The following ZNF277 variants were observed in gnomAD, a reference collection of about 807,000 sequenced individuals.
ZNF277 encodes nuclear receptor-interacting factor 4.
In ZNF277, 55 loss-of-function variants were observed where a neutral mutation model predicts 60.7. The ratio of observed to expected loss-of-function variants is 0.91; its 90% CI spans 0.73 to 1.13. The LOEUF is 1.13. ZNF277 is among the 50% of genes most tolerant of loss of function. ZNF277 has a pLI of 0.00. For synonymous variants in ZNF277, 178 were observed against 179.3 expected (o/e 0.99, Z 0.06); for missense variants, 510 against 523.0 (o/e 0.98, Z 0.24).
At chr7:112,341,868 C>T (rs183495869) in intron 11 of ZNF277, among the ~76,000 whole-genome samples, 72 of 152,212 alleles carry the variant, frequency 4.7e-4, no homozygotes, top group African/African-American at 1.7e-3. Flanking sequence ...TCAGAAAATC[C>T]CACACTTGTG....
intron 1 of ZNF277, among the ~76,000 whole-genome samples, chr7:112,237,061 A>G (rs1409641328): frequency 1.3e-5 from 2 of 152,158 alleles, no homozygotes; most frequent in African/African-American, 4.8e-5. Context: ...ATAAAACCAG[A>G]AATCAATTCC....
At chr7:112,255,228 T>TA (rs781590332) in intron 1 of ZNF277, among the ~76,000 whole-genome samples, 3 of 152,084 alleles carry the variant, frequency 2.0e-5, no homozygotes, top group Non-Finnish European at 4.4e-5. Flanking sequence ...AAGCATACAG[T>TA]AAAAAAAGTG....
At chr7:112,279,025 A>G (rs1400118708) in intron 1 of ZNF277, among the ~76,000 whole-genome samples, 3 of 152,180 alleles carry the variant, frequency 2.0e-5, no homozygotes, top group Admixed American at 1.3e-4. Flanking sequence ...TATTTCTCTT[A>G]TAATATCTTC....
At chr7:112,321,505 A>T (rs576183804) in intron 5 of ZNF277, among the ~76,000 whole-genome samples, 1 of 152,252 alleles carries the variant, frequency 6.6e-6, no homozygotes, top group South Asian at 2.1e-4. Context: ...AAAGGGTCAT[A>T]AAAATGCGAT....
intron 1 of ZNF277, among the ~76,000 whole-genome samples, chr7:112,207,552 C>T (rs955007790): frequency 2.0e-5 from 3 of 152,110 alleles, no homozygotes; most frequent in African/African-American, 7.2e-5. Context: ...TTCAGGTTGT[C>T]CTCTGATCCA....
intron 1 of ZNF277, among the ~76,000 whole-genome samples, chr7:112,214,687 A>G (rs1452606334): frequency 9.8e-5 from 15 of 152,342 alleles, no homozygotes; most frequent in Admixed American, 5.2e-4. Flanking sequence ...CCTTTGCTTC[A>G]TGGGGTGAAG....
At chr7:112,338,866 T>A (rs969754583) in intron 9 of ZNF277, among the ~76,000 whole-genome samples, 1 of 152,220 alleles carries the variant, frequency 6.6e-6, no homozygotes, top group African/African-American at 2.4e-5. Context: ...CTTTCAGTGA[T>A]AACATCACGA....
chr7:112,333,702 A>G (rs1793274027), intron 7 of ZNF277, among the ~76,000 whole-genome samples: 2 of 152,232 alleles, frequency 1.3e-5, no homozygotes, highest in Non-Finnish European at 2.9e-5. Context: ...CTTAGGTGAG[A>G]TAATTTCTGT....
At chr7:112,218,173 A>G (rs1821936281) in intron 1 of ZNF277, among the ~76,000 whole-genome samples, 1 of 152,176 alleles carries the variant, frequency 6.6e-6, no homozygotes, top group Non-Finnish European at 1.5e-5. Context: ...CAGTGGGCAA[A>G]ATGAACCTAT....
chr7:112,326,373 C>T (rs971165525), intron 5 of ZNF277, among the ~76,000 whole-genome samples: 5 of 151,924 alleles, frequency 3.3e-5, no homozygotes, highest in Middle Eastern at 6.8e-3. Flanking sequence ...CCTTCCCCCA[C>T]CCCAAAACAC....
At chr7:112,307,483 C>T (rs935298852) in intron 4 of ZNF277, among the ~76,000 whole-genome samples, 4 of 150,870 alleles carry the variant, frequency 2.7e-5, no homozygotes, top group Admixed American at 1.3e-4. Flanking sequence ...GGTGTGATCT[C>T]GGCTCACTGC....
rs369798130 is a variant in ZNF277 at position 112,275,977 on chromosome 7, A to T, written c.92-10896A>T. ...TCTTAGAATCTGCAGTGCTTTGCTG[A>T]CATAAGAGGGAAAGGAGCTTCATCA... On this transcript the variant is annotated intron_variant, in intron 1 of 11. Coordinates refer to ENST00000361822, the MANE Select transcript of ZNF277 (RefSeq NM_021994.3). Among the ~76,000 whole-genome samples the T allele has an allele frequency of 1.4e-4, 22 of 152,308 alleles. No homozygotes were observed. The South Asian group carries it at 1.5e-3, about 10-fold the overall frequency.
At chr7:112,232,720 A>G (rs75609306) in intron 1 of ZNF277, among the ~76,000 whole-genome samples, 3,302 of 152,242 alleles carry the variant, frequency 0.022, 119 homozygotes, top group African/African-American at 0.075. Context: ...AGTCAAAAAT[A>G]TGGTGGTGCA....
chr7:112,296,354 A>C, intron 4 of ZNF277, 43 bp downstream of exon 4: 1 of 947,004 alleles, frequency 1.1e-6, no homozygotes, highest in Non-Finnish European at 1.6e-6. Context: ...TTGAAAATAC[A>C]TATAAATACA....
chr7:112,222,297 G>A (rs1039516068), intron 1 of ZNF277, among the ~76,000 whole-genome samples: 19 of 152,134 alleles, frequency 1.2e-4, no homozygotes, highest in Non-Finnish European at 2.2e-4. Context: ...AGAATTCAGC[G>A]GTGACATCGT....
At chr7:112,299,686 G>T (rs996192683) in intron 4 of ZNF277, among the ~76,000 whole-genome samples, 4 of 152,100 alleles carry the variant, frequency 2.6e-5, no homozygotes, top group Non-Finnish European at 4.4e-5. Flanking sequence ...CAATCAAACT[G>T]CTTAATGATA....
intron 1 of ZNF277, 27 bp from the exon 2 acceptor site, chr7:112,286,846 T>G (rs770656313): frequency 1.7e-6 from 2 of 1,177,740 alleles, no homozygotes; most frequent in Admixed American, 3.5e-5. Flanking sequence ...TCTTTCTTTT[T>G]TTTTTTTTTT....
At chr7:112,250,915 C>A (rs1287243481) in intron 1 of ZNF277, among the ~76,000 whole-genome samples, 1 of 152,150 alleles carries the variant, frequency 6.6e-6, no homozygotes, top group Non-Finnish European at 1.5e-5. Context: ...TTCTTCAAGT[C>A]GGCTGTCAGC....
chr7:112,328,963 A>C (rs1250878187), intron 6 of ZNF277, among the ~76,000 whole-genome samples: 1 of 152,188 alleles, frequency 6.6e-6, no homozygotes, highest in Non-Finnish European at 1.5e-5. Flanking sequence ...CCACTATGTT[A>C]AATCGAGTCC....
Sources: allele counts gnomAD v4.1 joint callset (sites outside exome capture counted in the v4.1 genomes callset), GRCh38; gene constraint gnomAD v4.1.1; transcripts MANE v1.5; gene names NCBI Gene and HGNC (gene_info 2026-07-23, HGNC 2026-07-21).